The following CTNND2 variants were observed in gnomAD, a reference collection of about 807,000 sequenced individuals.
The protein encoded by CTNND2 is catenin delta-2.
In CTNND2, 22 loss-of-function variants were observed where a neutral mutation model predicts 144.4. The observed-to-expected ratio is 0.15, with a 90% CI of 0.11 to 0.22. The LOEUF (loss-of-function observed/expected upper bound fraction) is 0.22. CTNND2 is among the 10% of genes least tolerant of loss of function. The pLI, the probability that CTNND2 is intolerant of heterozygous loss-of-function variation, is 1.00. For synonymous variants in CTNND2, 751 were observed against 695.6 expected, an observed-to-expected ratio of 1.08 and a Z score of -1.25; for missense variants, 1,353 against 1,618.8, an observed-to-expected ratio of 0.84 and a Z score of 2.82.
chr5:11,191,433 T>A (rs1000910849), intron 11 of CTNND2, among the ~76,000 whole-genome samples: 2 of 152,092 alleles, frequency 1.3e-5, no homozygotes, highest in Non-Finnish European at 2.9e-5. Context: ...TTCCATTATG[T>A]AGGAAGGGAA....
chr5:11,661,782 T>C (rs1314932425), intron 2 of CTNND2, among the ~76,000 whole-genome samples: 2 of 152,126 alleles, frequency 1.3e-5, no homozygotes, highest in Non-Finnish European at 2.9e-5. Context: ...AATAAATTTT[T>C]CTTTTTATGT....
chr5:11,757,919 A>C (rs2126799256), intron 1 of CTNND2, among the ~76,000 whole-genome samples: 1 of 152,102 alleles, frequency 6.6e-6, no homozygotes. Flanking sequence ...GAGACTCAGG[A>C]AAAATAAACA....
intron 21 of CTNND2, among the ~76,000 whole-genome samples, chr5:10,980,806 C>T (rs545001633): frequency 2.6e-5 from 4 of 152,196 alleles, no homozygotes; most frequent in African/African-American, 4.8e-5. Flanking sequence ...GAACAGAAAA[C>T]CAAACACTGC....
chr5:11,277,529 T>TATTTATTC (rs1554019027), intron 9 of CTNND2, among the ~76,000 whole-genome samples: 38 of 149,310 alleles, frequency 2.5e-4, no homozygotes, highest in South Asian at 4.3e-4. Flanking sequence ...TTTATTTATT[T>TATTTATTC]ATTTATTTAT....
intron 8 of CTNND2, among the ~76,000 whole-genome samples, chr5:11,358,273 G>C (rs1288700359): frequency 1.3e-5 from 2 of 152,106 alleles, no homozygotes; most frequent in African/African-American, 2.4e-5. Context: ...CCAATAAACT[G>C]TTCTCCCATC....
chr5:11,837,981 T>C (rs948320162), intron 1 of CTNND2, among the ~76,000 whole-genome samples: 1 of 152,192 alleles, frequency 6.6e-6, no homozygotes, highest in African/African-American at 2.4e-5. Flanking sequence ...TGACAAGCTC[T>C]AATTACCTTC....
intron 5 of CTNND2, among the ~76,000 whole-genome samples, chr5:11,398,028 A>T (rs971530239): frequency 1.7e-4 from 26 of 152,236 alleles, no homozygotes; most frequent in African/African-American, 5.8e-4. Context: ...GATCAAATAA[A>T]TATGGAGGAG....
At chr5:11,382,597 GT>G (rs1758617973) in intron 7 of CTNND2, among the ~76,000 whole-genome samples, 1 of 29,920 alleles carries the variant, frequency 3.3e-5, no homozygotes, top group Non-Finnish European at 8.5e-5. Flanking sequence ...GTGAGACTCT[GT>G]GTGTGTGTGT....
At chr5:11,230,295 C>T (rs1472671650) in intron 10 of CTNND2, among the ~76,000 whole-genome samples, 1 of 150,098 alleles carries the variant, frequency 6.7e-6, no homozygotes, top group Non-Finnish European at 1.5e-5. Context: ...TGCAGCGCAC[C>T]AGCATGGCAC....
intron 9 of CTNND2, among the ~76,000 whole-genome samples, chr5:11,294,737 G>A (rs964099890): frequency 6.6e-6 from 1 of 152,126 alleles, no homozygotes; most frequent in African/African-American, 2.4e-5. Context: ...AAAACCACAT[G>A]ATTATCTCAA....
intron 9 of CTNND2, among the ~76,000 whole-genome samples, chr5:11,274,972 C>T (rs1746380930): frequency 6.6e-6 from 1 of 152,046 alleles, no homozygotes; most frequent in Admixed American, 6.6e-5. Context: ...ACTTGGTCTT[C>T]CTAGGGTGTT....
chr5:11,153,196 A>G (rs944925072), intron 12 of CTNND2, among the ~76,000 whole-genome samples: 1 of 152,112 alleles, frequency 6.6e-6, no homozygotes. Context: ...CAGGAGGCAG[A>G]GGTTGCAGTG....
intron 14 of CTNND2, among the ~76,000 whole-genome samples, chr5:11,100,658 C>A (rs929282800): frequency 2.6e-5 from 4 of 152,150 alleles, no homozygotes; most frequent in African/African-American, 9.6e-5. Context: ...CAAATTATTT[C>A]TTTTATTTCA....
intron 1 of CTNND2, among the ~76,000 whole-genome samples, chr5:11,764,554 G>T (rs1318252264): frequency 6.6e-6 from 1 of 152,036 alleles, no homozygotes; most frequent in African/African-American, 2.4e-5. Flanking sequence ...AGTCTTCCTG[G>T]GTCCTGCCTT....
chr5:11,189,935 G>C (rs527465324), intron 11 of CTNND2, among the ~76,000 whole-genome samples: 85 of 152,312 alleles, frequency 5.6e-4, no homozygotes, highest in Non-Finnish European at 1.0e-3. Context: ...TTAGGAATCA[G>C]AACAGTGCTG....
intron 17 of CTNND2, 120 bp from the exon 18 acceptor site, chr5:11,018,178 T>C: frequency 1.5e-6 from 1 of 687,734 alleles, no homozygotes; most frequent in Non-Finnish European, 2.6e-6. Flanking sequence ...TGATCTATGA[T>C]CAGTGCTCCC....
chr5:11,794,419 G>A (rs1042035326), intron 1 of CTNND2, among the ~76,000 whole-genome samples: 4 of 152,176 alleles, frequency 2.6e-5, no homozygotes, highest in African/African-American at 7.2e-5. Flanking sequence ...AATTGTGTGC[G>A]CAGATGCTAC....
chr5:11,419,393 T>C (rs1762190081), intron 3 of CTNND2, among the ~76,000 whole-genome samples: 1 of 152,200 alleles, frequency 6.6e-6, no homozygotes, highest in South Asian at 2.1e-4. Context: ...CTTAGCATTG[T>C]TAGAATCACT....
intron 1 of CTNND2, among the ~76,000 whole-genome samples, chr5:11,844,804 C>T (rs1794654252): frequency 6.6e-6 from 1 of 152,062 alleles, no homozygotes; most frequent in African/African-American, 2.4e-5. Context: ...CTAGTAAATT[C>T]CATATATACT....
Sources: allele counts gnomAD v4.1 joint callset (sites outside exome capture counted in the v4.1 genomes callset), GRCh38; gene constraint gnomAD v4.1.1; transcripts MANE v1.5; gene names NCBI Gene and HGNC (gene_info 2026-07-23, HGNC 2026-07-21).